ST8SIA1: variants seen among roughly 807,000 people sequenced by gnomAD.
ST8SIA1 encodes ST8 alpha-N-acetyl-neuraminide alpha-2,8-sialyltransferase 1.
A neutral mutation model predicts 35.9 loss-of-function variants in ST8SIA1; 16 were observed. The observed-to-expected ratio is 0.45, with a 90% confidence interval of 0.30 to 0.68. The LOEUF (loss-of-function observed/expected upper bound fraction) is 0.68. Among genes scored for constraint, ST8SIA1 ranks in the 30% least tolerant of loss-of-function variants. The pLI is 0.09. For synonymous variants in ST8SIA1, 170 were observed against 169.6 expected (o/e 1.00, Z -0.02); for missense variants, 383 against 453.6 (o/e 0.84, Z 1.41).
chr12:22,227,574 A>G (rs1413453812), intron 4 of ST8SIA1, among the ~76,000 whole-genome samples: 1 of 152,100 alleles, frequency 6.6e-6, no homozygotes, highest in East Asian at 1.9e-4. Context: ...TCCATCTCAA[A>G]AAACAAAACA....
intron 2 of ST8SIA1, among the ~76,000 whole-genome samples, chr12:22,281,064 T>A (rs1166870243): frequency 6.6e-6 from 1 of 152,206 alleles, no homozygotes; most frequent in Non-Finnish European, 1.5e-5. Context: ...CTTTTTTTAG[T>A]GGTGTTTTAG....
intron 4 of ST8SIA1, among the ~76,000 whole-genome samples, chr12:22,232,662 G>A (rs536599351): frequency 6.6e-6 from 1 of 152,120 alleles, no homozygotes; most frequent in South Asian, 2.1e-4. Context: ...CCTGAGACTG[G>A]ATAAAATCCT....
At chr12:22,318,287 G>T (rs1866543992) in intron 1 of ST8SIA1, among the ~76,000 whole-genome samples, 1 of 152,150 alleles carries the variant, frequency 6.6e-6, no homozygotes. Context: ...GGAGAGAAAT[G>T]AAAGAATCAC....
At chr12:22,228,015 T>C (rs1392089111) in intron 4 of ST8SIA1, among the ~76,000 whole-genome samples, 2 of 152,220 alleles carry the variant, frequency 1.3e-5, no homozygotes, top group Non-Finnish European at 2.9e-5. Context: ...TCATCTTCCC[T>C]CCTTGAATGG....
At chr12:22,204,043 A>C (rs1945977006) in intron 4 of ST8SIA1, among the ~76,000 whole-genome samples, 1 of 151,956 alleles carries the variant, frequency 6.6e-6, no homozygotes, top group Non-Finnish European at 1.5e-5. Flanking sequence ...TCCATCTCTC[A>C]CCACCTTTTT....
chr12:22,316,819 G>A (rs1020171834), intron 1 of ST8SIA1, among the ~76,000 whole-genome samples: 5 of 152,020 alleles, frequency 3.3e-5, no homozygotes, highest in Non-Finnish European at 5.9e-5. Context: ...TGTGCCCCTC[G>A]CAGGAAAAGA....
intron 1 of ST8SIA1, among the ~76,000 whole-genome samples, chr12:22,332,811 T>C (rs908867229): frequency 2.6e-5 from 4 of 152,154 alleles, no homozygotes; most frequent in African/African-American, 9.7e-5. Flanking sequence ...TCCTGAATAT[T>C]TGTAAATAAC....
intron 4 of ST8SIA1, among the ~76,000 whole-genome samples, chr12:22,218,045 T>C (rs1011318836): frequency 3.3e-5 from 5 of 152,120 alleles, no homozygotes; most frequent in African/African-American, 9.7e-5. Flanking sequence ...TAACAAGAAA[T>C]AGGCCCGGTG....
chr12:22,325,751 T>C (rs1866667932), intron 1 of ST8SIA1: 1 of 644,090 alleles, frequency 1.6e-6, no homozygotes, highest in Admixed American at 2.6e-5. Flanking sequence ...CAGTAAGAGA[T>C]GAACAATAAT....
rs1262261406 is a variant in ST8SIA1, at chr12:22,194,681, G to C, written c.*6871C>G. Reference sequence around the variant, plus strand: ...AGAAAATGCATCTAAGTCAGCTTAAGTAATCATGGATACAAAAGCCTGTTA... The same window carrying C: ...AGAAAATGCATCTAAGTCAGCTTAACTAATCATGGATACAAAAGCCTGTTA... On this transcript the variant is annotated 3_prime_UTR_variant, in exon 5 of 5. Coordinates refer to ENST00000396037, the MANE Select transcript of ST8SIA1 (RefSeq NM_003034.4). 1 of 152,164 alleles carries C rather than the reference G, an allele frequency of 6.6e-6. No homozygotes were observed. Among genetic ancestry groups the C allele is most frequent in the Non-Finnish European group, 1.5e-5 (1 of 68,040 alleles). 9.4% of individuals were successfully genotyped at this position (152,164 alleles called of 1,614,324 possible). A position where few individuals can be genotyped will look rare whatever the true frequency, so the allele number is the denominator to read the frequency against.
At chr12:22,258,316 A>G (rs1257247453) in intron 2 of ST8SIA1, among the ~76,000 whole-genome samples, 1 of 152,118 alleles carries the variant, frequency 6.6e-6, no homozygotes, top group Non-Finnish European at 1.5e-5. Flanking sequence ...CCAGGTGGCA[A>G]TATCAAGTAG....
chr12:22,307,440 TACG>T (rs1360332743), intron 1 of ST8SIA1, among the ~76,000 whole-genome samples: 1 of 152,188 alleles, frequency 6.6e-6, no homozygotes, highest in Non-Finnish European at 1.5e-5. Flanking sequence ...CTCTTCAGGA[TACG>T]ACCTTTCCTG....
chr12:22,296,493 T>C (rs906551607), intron 1 of ST8SIA1, among the ~76,000 whole-genome samples: 3 of 152,186 alleles, frequency 2.0e-5, no homozygotes, highest in Non-Finnish European at 4.4e-5. Flanking sequence ...GTCTCTGTCC[T>C]ATCCACAGCA....
chr12:22,284,139 A>T (rs1359957487), intron 2 of ST8SIA1, among the ~76,000 whole-genome samples: 1 of 152,066 alleles, frequency 6.6e-6, no homozygotes, highest in Non-Finnish European at 1.5e-5. Flanking sequence ...GTACCAGAGC[A>T]TCTCCCTTCT....
chr12:22,208,027 C>G (rs1865132950), intron 4 of ST8SIA1, among the ~76,000 whole-genome samples: 1 of 151,106 alleles, frequency 6.6e-6, no homozygotes, highest in African/African-American at 2.4e-5. Context: ...CCTGTAATCT[C>G]AGCTCAGGAG....
At position 22,334,236 on chromosome 12, in the gene ST8SIA1, AGCCCCG is replaced by A; in HGVS notation, c.-10_-5del. 1 of 1,608,868 alleles carries A rather than the reference AGCCCCG, an allele frequency of 6.2e-7. No homozygotes were observed. The highest frequency in any genetic ancestry group is 8.5e-7 in the Non-Finnish European group (1 of 1,177,874). ...GGGCCCGCCCGCAGGGGCTCATCGC[AGCCCCG>A]GCGTCCCAGGGGCGGGGGCCGGGGC... is the stretch of plus-strand genomic sequence containing the variant. On this transcript the variant is annotated 5_prime_UTR_variant, in exon 1 of 5. Transcript: ENST00000396037.
intron 1 of ST8SIA1, among the ~76,000 whole-genome samples, chr12:22,321,966 G>A (rs997356411): frequency 3.3e-5 from 5 of 152,180 alleles, no homozygotes; most frequent in African/African-American, 9.7e-5. Context: ...TGAGCTTTGT[G>A]TTTCCCCATG....
In ST8SIA1 at chr12:22,195,151, C is replaced by G. The variant is rs1474885665; in HGVS notation, c.*6401G>C. The G allele has an allele frequency of 7.0e-6, 1 of 142,732 alleles. No homozygotes were observed. Among genetic ancestry groups the G allele is most frequent in the Non-Finnish European group, 1.5e-5 (1 of 66,882 alleles). The allele number at this position is 142,732 out of a possible 1,614,324, so 8.8% of individuals were successfully genotyped here. A position where few individuals can be genotyped will look rare whatever the true frequency, so the allele number is the denominator to read the frequency against. On this transcript the variant is annotated 3_prime_UTR_variant, in exon 5 of 5. Transcript: ENST00000396037. ...TGAGCCGAGATCACGCCATTGCACT[C>G]CAGCCTGGGCAACAAGAGCAAAAAA...
chr12:22,326,032 T>C, intron 1 of ST8SIA1: 1 of 467,222 alleles, frequency 2.1e-6, no homozygotes, highest in Non-Finnish European at 3.8e-6. Flanking sequence ...AACTTATGAA[T>C]TGTTTATTTC....
Sources: gnomAD v4.1 joint callset for allele counts (sites outside exome capture counted in the v4.1 genomes callset) on GRCh38, gnomAD v4.1.1 for gene constraint, MANE v1.5 for transcripts, NCBI Gene and HGNC (gene_info 2026-07-23, HGNC 2026-07-21) for gene names.